CSGALNACT1: variants seen among roughly 807,000 people sequenced by gnomAD.
The protein encoded by CSGALNACT1 is beta4GalNAcT-1.
CSGALNACT1 carries 52 observed loss-of-function variants against 51.0 expected under a neutral mutation model. The observed-to-expected ratio is 1.02, with a 90% CI of 0.82 to 1.29. CSGALNACT1 has a LOEUF of 1.29. CSGALNACT1 is among the 50% of genes most tolerant of loss of function. The pLI is 0.00. For synonymous variants in CSGALNACT1, 341 were observed against 254.4 expected (o/e 1.34, Z -3.24); for missense variants, 935 against 679.2 (o/e 1.38, Z -4.19).
At chr8:19,526,172 A>C (rs1193701993) in intron 3 of CSGALNACT1, among the ~76,000 whole-genome samples, 1 of 152,116 alleles carries the variant, frequency 6.6e-6, no homozygotes, top group Non-Finnish European at 1.5e-5. Context: ...AATCCAACTG[A>C]GTCTAGGGAA....
chr8:19,711,695 A>G (rs1299791625), intron 1 of CSGALNACT1, among the ~76,000 whole-genome samples: 1 of 152,230 alleles, frequency 6.6e-6, no homozygotes, highest in Non-Finnish European at 1.5e-5. Flanking sequence ...GAATCTCAAT[A>G]TGACATCTCA....
intron 1 of CSGALNACT1, among the ~76,000 whole-genome samples, chr8:19,618,191 G>A (rs867641768): frequency 3.9e-5 from 6 of 152,102 alleles, no homozygotes; most frequent in South Asian, 2.1e-4. Flanking sequence ...ATGCCTGTAC[G>A]CTTCAAATGA....
At chr8:19,446,848 T>C (rs764859441) in intron 5 of CSGALNACT1, among the ~76,000 whole-genome samples, 1 of 152,130 alleles carries the variant, frequency 6.6e-6, no homozygotes, top group African/African-American at 2.4e-5. Flanking sequence ...AAGACTCTTT[T>C]TAGGATGTTT....
At chr8:19,550,738 G>A (rs779937509) in intron 3 of CSGALNACT1, among the ~76,000 whole-genome samples, 1 of 152,064 alleles carries the variant, frequency 6.6e-6, no homozygotes, top group Non-Finnish European at 1.5e-5. Flanking sequence ...TCTTCAACTG[G>A]TCTTTCTCAG....
chr8:19,710,360 T>C (rs1461362777), intron 1 of CSGALNACT1, among the ~76,000 whole-genome samples: 1 of 152,146 alleles, frequency 6.6e-6, no homozygotes, highest in Non-Finnish European at 1.5e-5. Context: ...ATAGCACCTA[T>C]GATAAAGCAG....
At chr8:19,684,917 G>A (rs930164809), upstream of CSGALNACT1, among the ~76,000 whole-genome samples, 2 of 152,168 alleles carry the variant, frequency 1.3e-5, no homozygotes, top group South Asian at 2.1e-4. Flanking sequence ...AAAAATGTGT[G>A]AATTTCAGGC....
chr8:19,644,019 A>C (rs995805387), intron 1 of CSGALNACT1, among the ~76,000 whole-genome samples: 1 of 152,264 alleles, frequency 6.6e-6, no homozygotes, highest in Non-Finnish European at 1.5e-5. Context: ...AGCATTGTTC[A>C]TAAAATTGTA....
intron 3 of CSGALNACT1, among the ~76,000 whole-genome samples, chr8:19,519,656 C>A (rs527646279): frequency 2.0e-5 from 3 of 152,220 alleles, no homozygotes. Flanking sequence ...ATGTGACACT[C>A]TCCCTCCTCT....
rs1184874834 is a variant in CSGALNACT1, at chr8:19,528,279, G to GA, written c.-296-22150dup. ...CTCGTTCAGGACTGAGAAAGAAAAA[G>GA]AAAAAAAAAAAGCAAGCAGCCCTTG... On this transcript the variant is annotated intron_variant, in intron 3 of 9. Transcript: ENST00000454498. Among the ~76,000 whole-genome samples the GA allele has an allele frequency of 6.6e-3, 929 of 140,250 alleles. 9 individuals are homozygous for GA. The highest frequency in any genetic ancestry group is 0.023 in the African/African-American group (861 of 38,230). The allele number at this position is 140,250 out of a possible 152,430, so 92.0% of individuals were successfully genotyped here.
intron 1 of CSGALNACT1, among the ~76,000 whole-genome samples, chr8:19,629,204 C>A (rs374052030): frequency 6.6e-6 from 1 of 152,136 alleles, no homozygotes; most frequent in East Asian, 1.9e-4. Context: ...TCGAAAAAAA[C>A]CGTTTAGTTT....
intron 1 of CSGALNACT1, among the ~76,000 whole-genome samples, chr8:19,734,990 C>G (rs2063891726): frequency 6.6e-6 from 1 of 152,022 alleles, no homozygotes; most frequent in South Asian, 2.1e-4. Context: ...CAGGTTTGAT[C>G]TTGCTATCCA....
chr8:19,531,327 G>A (rs574407789), intron 3 of CSGALNACT1, among the ~76,000 whole-genome samples: 45 of 152,270 alleles, frequency 3.0e-4, no homozygotes, highest in African/African-American at 1.0e-3. Context: ...AAAAGTCAAT[G>A]TAAGTCAAAT....
At chr8:19,756,924 T>C (rs2065426906) in intron 1 of CSGALNACT1, among the ~76,000 whole-genome samples, 1 of 151,096 alleles carries the variant, frequency 6.6e-6, no homozygotes, top group African/African-American at 2.4e-5. Context: ...TCCCTCCGCG[T>C]CCCCGCGCGC....
At chr8:19,569,552 C>CG (rs1564090065) in intron 3 of CSGALNACT1, among the ~76,000 whole-genome samples, 1 of 151,758 alleles carries the variant, frequency 6.6e-6, no homozygotes, top group African/African-American at 2.4e-5. Context: ...AGAGCTAGCA[C>CG]TTTTTTTTAG....
At chr8:19,641,453 C>T (rs1371291199) in intron 1 of CSGALNACT1, among the ~76,000 whole-genome samples, 1 of 152,112 alleles carries the variant, frequency 6.6e-6, no homozygotes, top group Non-Finnish European at 1.5e-5. Context: ...TTTTGGAGCT[C>T]TTCAAATGTT....
intron 4 of CSGALNACT1, among the ~76,000 whole-genome samples, chr8:19,498,105 G>A (rs1225001966): frequency 2.6e-5 from 4 of 152,098 alleles, no homozygotes; most frequent in Admixed American, 6.5e-5. Context: ...ACGTATCCAC[G>A]ACCGTGACAA....
At chr8:19,657,059 T>G (rs1247402661) in intron 1 of CSGALNACT1, among the ~76,000 whole-genome samples, 4 of 113,420 alleles carry the variant, frequency 3.5e-5, no homozygotes, top group Non-Finnish European at 7.5e-5. Context: ...TAAGACTCCA[T>G]CTCATTAAAA....
At chr8:19,454,792 A>G (rs2063789780) in intron 5 of CSGALNACT1, among the ~76,000 whole-genome samples, 2 of 151,936 alleles carry the variant, frequency 1.3e-5, no homozygotes, top group Non-Finnish European at 2.9e-5. Context: ...AATGTAGTAA[A>G]AAAAAAAAAT....
intron 4 of CSGALNACT1, among the ~76,000 whole-genome samples, chr8:19,468,379 G>A (rs137858394): frequency 1.3e-5 from 2 of 152,202 alleles, no homozygotes; most frequent in East Asian, 1.9e-4. Context: ...AAAGGCCGAC[G>A]TGGAGCGGGA....
Sources: gnomAD v4.1 joint callset for allele counts (sites outside exome capture counted in the v4.1 genomes callset) on GRCh38, gnomAD v4.1.1 for gene constraint, MANE v1.5 for transcripts, NCBI Gene and HGNC (gene_info 2026-07-23, HGNC 2026-07-21) for gene names.